The following WDR33 variants were observed in gnomAD, a reference collection of about 807,000 sequenced individuals.
WDR33 encodes the protein WD repeat domain 33.
WDR33 carries 47 observed loss-of-function variants against 164.9 expected under a neutral mutation model. That is an observed-to-expected ratio of 0.29 (90% CI 0.23 to 0.36). The LOEUF (loss-of-function observed/expected upper bound fraction) is 0.36, where lower values mean the gene tolerates loss of function less well. WDR33 is among the 10% of genes least tolerant of loss of function. The pLI is 1.00. For synonymous variants in WDR33, 505 were observed against 589.0 expected (o/e 0.86, Z 2.06); for missense variants, 1,137 against 1,754.1 (o/e 0.65, Z 6.28).
intron 1 of WDR33, among the ~76,000 whole-genome samples, chr2:127,787,695 G>A (rs1688643838): frequency 3.0e-5 from 3 of 100,346 alleles, no homozygotes; most frequent in South Asian, 4.2e-4. Flanking sequence ...CGGACGGGGC[G>A]GCTGGCCGGG....
chr2:127,807,834 G>A (rs1383065175), intron 1 of WDR33, among the ~76,000 whole-genome samples: 1 of 152,194 alleles, frequency 6.6e-6, no homozygotes, highest in Non-Finnish European at 1.5e-5. Flanking sequence ...GCTGGCAGCA[G>A]GGACTCATGA....
At chr2:127,783,067 T>C (rs953879132) in intron 1 of WDR33, among the ~76,000 whole-genome samples, 1 of 152,186 alleles carries the variant, frequency 6.6e-6, no homozygotes, top group Non-Finnish European at 1.5e-5. Flanking sequence ...TATATGCAAA[T>C]GCTACACCAT....
At position 127,702,034 on chromosome 2, in the gene WDR33, C is replaced by CGGTGCTG. The variant is rs1685904440; in HGVS notation, c.*4282_*4288dup. 1.6e-6 allele frequency: 2 copies of CGGTGCTG among 1,239,436 alleles called. No individual in the cohort carries two copies. Among genetic ancestry groups the CGGTGCTG allele is most frequent in the African/African-American group, 3.2e-5 (2 of 63,304 alleles). 76.8% of individuals were successfully genotyped at this position (1,239,436 alleles called of 1,614,324 possible). Reference sequence around the variant, plus strand: ...CTGGGCCTTCGCAGCACGCTGCTCACGGTGCTGGGCGCGGGCGCGCAGGTG... The same window carrying CGGTGCTG: ...CTGGGCCTTCGCAGCACGCTGCTCACGGTGCTGGGTGCTGGGCGCGGGCGCGCAGGTG... On this transcript the variant is annotated 3_prime_UTR_variant, in exon 22 of 22. Coordinates refer to ENST00000322313, the MANE Select transcript of WDR33 (RefSeq NM_018383.5).
intron 7 of WDR33, among the ~76,000 whole-genome samples, chr2:127,727,172 T>C (rs1686592308): frequency 6.6e-6 from 1 of 152,226 alleles, no homozygotes; most frequent in African/African-American, 2.4e-5. Flanking sequence ...GTGATAGTTC[T>C]TACAGACGAA....
intron 7 of WDR33, chr2:127,736,397 C>T (rs1375109278): frequency 2.0e-6 from 2 of 985,216 alleles, no homozygotes; most frequent in Non-Finnish European, 2.4e-6. Flanking sequence ...AGGATTTGAT[C>T]AGAACTGAGT....
In WDR33 at chr2:127,723,122, G is replaced by T; in HGVS notation, c.1292-78C>A. ...GATAAAATTAATGCTTTATAAAAAT[G>T]AATGTCACTGATGATTTATAAATAA... On this transcript the variant is annotated intron_variant, in intron 12 of 21. Transcript: ENST00000322313. The surrounding 1 kb of genome is among the most constrained non-coding windows in gnomAD (Gnocchi z 5.9). 1 of 1,432,176 alleles carries T rather than the reference G, an allele frequency of 7.0e-7. No homozygotes were observed. The allele number at this position is 1,432,176 out of a possible 1,614,324, so 88.7% of individuals were successfully genotyped here.
Position 127,719,762 on chromosome 2 carries a change from G to T in WDR33, c.2263C>A (p.Pro755Thr). 2.5e-6 allele frequency: 4 copies of T among 1,613,910 alleles called. No homozygotes were observed. The highest frequency in any genetic ancestry group is 3.4e-6 in the Non-Finnish European group (4 of 1,179,998). ...CCTGGTCCGCCTTGGATCCCATGAG[G>T]ATGAGGAGGCCCTTGCATTCCTCTG... The part of the protein sequence containing the change: ...GPRGMQGPPH[P>T]HGIQGGPGSQ... Residue 755 changes from proline to threonine, a missense_variant, in exon 16 of 22, where the codon CCT becomes ACT. Physicochemically the swap from Pro to Thr is conservative, Grantham distance 38. Transcript: ENST00000322313. The surrounding 1 kb of genome is among the most constrained non-coding windows in gnomAD (Gnocchi z 6.5).
intron 4 of WDR33, among the ~76,000 whole-genome samples, chr2:127,766,314 A>G (rs1024466119): frequency 6.6e-6 from 1 of 152,242 alleles, no homozygotes; most frequent in African/African-American, 2.4e-5. Flanking sequence ...AACAGTAAGG[A>G]TATATAAAAT....
At position 127,706,275 on chromosome 2, in the gene WDR33, G is replaced by A; in HGVS notation, c.*48C>T. On this transcript the variant is annotated 3_prime_UTR_variant, in exon 22 of 22. Coordinates refer to ENST00000322313, the MANE Select transcript of WDR33 (RefSeq NM_018383.5). This position sits in a 1 kb window ranked among gnomAD's most constrained non-coding sequence, Gnocchi z 5.1. ...GTTTCTCTTGGTGAGTCCACAAGAA[G>A]TTCTTACATACTGTCCAGAGAGGCC... The A allele has an allele frequency of 6.9e-7, 1 of 1,459,092 alleles. No homozygotes were observed. Among genetic ancestry groups the A allele is most frequent in the South Asian group, 1.5e-5 (1 of 67,844 alleles). The allele number at this position is 1,459,092 out of a possible 1,614,324, so 90.4% of individuals were successfully genotyped here.
intron 7 of WDR33, among the ~76,000 whole-genome samples, chr2:127,750,672 AAAAAAAT>A (rs1397823804): frequency 1.5e-5 from 1 of 67,406 alleles, no homozygotes; most frequent in Non-Finnish European, 2.6e-5. Flanking sequence ...AAAAAAAAAA[AAAAAAAT>A]ATATATATAT....
chr2:127,724,119 G>C lies in WDR33; in HGVS notation c.1196+214C>G, dbSNP rs1686506887. Among the ~76,000 whole-genome samples, 3 of 152,160 alleles carry C rather than the reference G, an allele frequency of 2.0e-5. No individual in the cohort carries two copies. The South Asian group carries it at 6.2e-4, about 32-fold the overall frequency. On this transcript the variant is annotated intron_variant, in intron 11 of 21. Transcript: ENST00000322313. This position sits in a 1 kb window ranked among gnomAD's most constrained non-coding sequence, Gnocchi z 4.8. ...TAAAAGTGGAAAACTTCTGTTTTAA[G>C]TCAGAAGGCAAAACAAAATTTGAAT...
intron 1 of WDR33, among the ~76,000 whole-genome samples, chr2:127,787,492 C>G (rs1296633413): frequency 7.4e-6 from 1 of 135,498 alleles, no homozygotes; most frequent in African/African-American, 3.0e-5. Context: ...GGGGGCTGAC[C>G]CCCCCCACCT....
intron 1 of WDR33, among the ~76,000 whole-genome samples, chr2:127,789,441 G>C (rs1307646341): frequency 1.5e-5 from 2 of 131,064 alleles, no homozygotes; most frequent in African/African-American, 5.8e-5. Context: ...GACTCCGTCT[G>C]CAATCCCGGC....
Position 127,723,111 on chromosome 2 carries a change from T to C in WDR33, c.1292-67A>G. ...AAGTAGCGACTGATAAAATTAATGC[T>C]TTATAAAAATGAATGTCACTGATGA... On this transcript the variant is annotated intron_variant, in intron 12 of 21. Transcript: ENST00000322313. This position sits in a 1 kb window ranked among gnomAD's most constrained non-coding sequence, Gnocchi z 5.9. 2 of 1,465,696 alleles carry C rather than the reference T, an allele frequency of 1.4e-6. No individual in the cohort carries two copies. Among genetic ancestry groups the C allele is most frequent in the South Asian group, 1.3e-5 (1 of 79,110 alleles). 90.8% of individuals were successfully genotyped at this position (1,465,696 alleles called of 1,614,324 possible). A position where few individuals can be genotyped will look rare whatever the true frequency, so the allele number is the denominator to read the frequency against.
chr2:127,736,629 G>C, intron 7 of WDR33: 1 of 985,420 alleles, frequency 1.0e-6, no homozygotes, highest in Non-Finnish European at 1.2e-6. Flanking sequence ...AACAAAGGCT[G>C]ACCTAAAAGA....
intron 1 of WDR33, among the ~76,000 whole-genome samples, chr2:127,800,719 C>T (rs1303380781): frequency 6.6e-6 from 1 of 151,112 alleles, no homozygotes; most frequent in Non-Finnish European, 1.5e-5. Context: ...ATAATAAAAC[C>T]ATAGACTTTA....
At chr2:127,715,647 G>C (rs963373695) in intron 17 of WDR33, among the ~76,000 whole-genome samples, 3 of 152,162 alleles carry the variant, frequency 2.0e-5, no homozygotes, top group African/African-American at 7.2e-5. Flanking sequence ...TCACTGACAT[G>C]ATGTTGCTTG....
rs1014971999 is a variant in WDR33, at chr2:127,762,650, G to A, written c.724+412C>T. On this transcript the variant is annotated intron_variant, in intron 7 of 21. Coordinates refer to ENST00000322313, the MANE Select transcript of WDR33 (RefSeq NM_018383.5). ...TTCAAAAATAGTAACACTAAGAAGT[G>A]TAGCTTTGATACCTCTATCTTGTCG... 8.0e-6 allele frequency: 8 copies of A among 995,820 alleles called. No homozygotes were observed. In the African/African-American group the frequency reaches 8.7e-5, roughly 11 times the overall value. The allele number at this position is 995,820 out of a possible 1,614,324, so 61.7% of individuals were successfully genotyped here.
At chr2:127,742,928 A>G (rs1343358290) in intron 7 of WDR33, among the ~76,000 whole-genome samples, 2 of 151,914 alleles carry the variant, frequency 1.3e-5, no homozygotes, top group Non-Finnish European at 2.9e-5. Context: ...TTCAGAGAGG[A>G]AAGTCAAGAT....
Sources: allele counts gnomAD v4.1 joint callset (sites outside exome capture counted in the v4.1 genomes callset), GRCh38; gene constraint gnomAD v4.1.1; non-coding constraint Gnocchi (gnomAD v3.1); transcripts MANE v1.5; gene names NCBI Gene and HGNC (gene_info 2026-07-23, HGNC 2026-07-21).